The following FOXP1 variants were observed in gnomAD, a reference collection of about 807,000 sequenced individuals.
FOXP1 encodes the protein forkhead box protein P1.
Under a neutral mutation model 98.2 loss-of-function variants are expected in FOXP1, and 15 were observed. The ratio of observed to expected loss-of-function variants is 0.15; its 90% CI spans 0.10 to 0.24. FOXP1 has a LOEUF of 0.24. Among genes scored for constraint, FOXP1 ranks in the 10% least tolerant of loss-of-function variants. FOXP1 has a pLI of 1.00. For synonymous variants in FOXP1, 371 were observed against 314.5 expected (o/e 1.18, Z -1.90); for missense variants, 633 against 848.5 (o/e 0.75, Z 3.15).
At chr3:71,173,073 C>T (rs771900019) in intron 6 of FOXP1, among the ~76,000 whole-genome samples, 34 of 152,142 alleles carry the variant, frequency 2.2e-4, no homozygotes, top group African/African-American at 7.5e-4. Flanking sequence ...TCAGATTTTT[C>T]GCAAGAGCCC....
intron 3 of FOXP1, among the ~76,000 whole-genome samples, chr3:71,481,852 G>A (rs1577752137): frequency 2.0e-5 from 3 of 151,726 alleles, no homozygotes; most frequent in South Asian, 4.2e-4. Context: ...AACCTTCTTC[G>A]CACACCTTTT....
At chr3:71,581,418 T>G in intron 2 of FOXP1, 131 bp downstream of exon 2, 2 of 985,378 alleles carry the variant, frequency 2.0e-6, no homozygotes, top group South Asian at 9.4e-5. Context: ...GATGGGCACA[T>G]TCCTCGCTCC....
Position 71,072,233 on chromosome 3 carries a change from C to T in FOXP1, c.283-18460G>A, listed in dbSNP as rs141825767. ...ACTCCAGAGGCTGAGGCAGGAGGAT[C>T]GCTTGAGCCCTGGAGGTTGAGGTTG... is the stretch of plus-strand genomic sequence containing the variant. On this transcript the variant is annotated intron_variant, in intron 7 of 20. Coordinates refer to ENST00000649528, the MANE Select transcript of FOXP1 (RefSeq NM_001349338.3). Among the ~76,000 whole-genome samples the T allele has an allele frequency of 3.9e-3, 588 of 152,252 alleles. 4 individuals carry two copies. The highest frequency in any genetic ancestry group is 0.013 in the African/African-American group (554 of 41,538).
intron 5 of FOXP1, among the ~76,000 whole-genome samples, chr3:71,232,231 CACA>C (rs577737772): frequency 1.3e-3 from 194 of 152,274 alleles, no homozygotes; most frequent in Non-Finnish European, 2.0e-3. Context: ...TGTAGTAAAT[CACA>C]ACAATTAGAG....
chr3:71,308,311 A>T (rs1284947824), intron 4 of FOXP1, among the ~76,000 whole-genome samples: 2 of 152,324 alleles, frequency 1.3e-5, no homozygotes, highest in African/African-American at 4.8e-5. Context: ...TATGCACTTC[A>T]TCTCGGCGGA....
At chr3:71,501,966 C>G (rs1443986693) in intron 2 of FOXP1, among the ~76,000 whole-genome samples, 1 of 152,282 alleles carries the variant, frequency 6.6e-6, no homozygotes, top group Non-Finnish European at 1.5e-5. Flanking sequence ...CAGGTTATAT[C>G]CTGGATGGTG....
chr3:71,100,427 T>A (rs2056850972), intron 7 of FOXP1, among the ~76,000 whole-genome samples: 1 of 152,232 alleles, frequency 6.6e-6, no homozygotes, highest in African/African-American at 2.4e-5. Flanking sequence ...GGCTCTCCCA[T>A]GTGCAGACAA....
intron 6 of FOXP1, among the ~76,000 whole-genome samples, chr3:71,140,882 G>A (rs1281452755): frequency 6.6e-6 from 1 of 152,040 alleles, no homozygotes; most frequent in Admixed American, 6.6e-5. Flanking sequence ...AGGAGGCCAA[G>A]GTGGGAGGAT....
intron 3 of FOXP1, among the ~76,000 whole-genome samples, chr3:71,470,395 T>C (rs1352177317): frequency 1.3e-5 from 2 of 152,234 alleles, no homozygotes; most frequent in African/African-American, 4.8e-5. Context: ...TATTCATAAG[T>C]AATTCTTCTT....
chr3:71,324,186 T>G (rs1265236799), intron 4 of FOXP1, among the ~76,000 whole-genome samples: 1 of 152,154 alleles, frequency 6.6e-6, no homozygotes, highest in Non-Finnish European at 1.5e-5. Context: ...TGTCTTAAAT[T>G]TAGCCATTAA....
At chr3:71,500,103 C>A (rs1024029621) in intron 2 of FOXP1, among the ~76,000 whole-genome samples, 5 of 152,314 alleles carry the variant, frequency 3.3e-5, no homozygotes, top group Middle Eastern at 3.4e-3. Flanking sequence ...CAGTGAAGTT[C>A]CCTAAAACTA....
intron 5 of FOXP1, among the ~76,000 whole-genome samples, chr3:71,289,121 G>A (rs1030047074): frequency 1.3e-5 from 2 of 151,954 alleles, no homozygotes; most frequent in African/African-American, 2.4e-5. Flanking sequence ...TGCAACCTCC[G>A]TCTCCCGGGT....
chr3:71,165,503 G>A (rs1451522885), intron 6 of FOXP1, among the ~76,000 whole-genome samples: 2 of 152,086 alleles, frequency 1.3e-5, no homozygotes, highest in South Asian at 2.1e-4. Flanking sequence ...AGCTGGTTTC[G>A]CTATATAAAA....
At chr3:71,278,225 T>C (rs994450724) in intron 5 of FOXP1, among the ~76,000 whole-genome samples, 6 of 152,210 alleles carry the variant, frequency 3.9e-5, no homozygotes, top group African/African-American at 1.4e-4. Context: ...GTTCAATAAT[T>C]AGCTACTGTC....
chr3:70,961,499 G>A (rs908081627), intron 20 of FOXP1, among the ~76,000 whole-genome samples: 1 of 152,086 alleles, frequency 6.6e-6, no homozygotes, highest in African/African-American at 2.4e-5. Context: ...CCAAACTGCT[G>A]GGATTACAGG....
At chr3:71,095,802 T>C (rs921463580) in intron 7 of FOXP1, among the ~76,000 whole-genome samples, 3 of 152,192 alleles carry the variant, frequency 2.0e-5, no homozygotes, top group African/African-American at 7.2e-5. Flanking sequence ...GCTAGGAATA[T>C]TGTAAAAATG....
intron 3 of FOXP1, among the ~76,000 whole-genome samples, chr3:71,456,291 G>C (rs1005517794): frequency 6.6e-6 from 1 of 152,086 alleles, no homozygotes; most frequent in Non-Finnish European, 1.5e-5. Flanking sequence ...AGGCAAAACA[G>C]GAAATTTGAG....
intron 4 of FOXP1, among the ~76,000 whole-genome samples, chr3:71,317,710 A>G (rs1343031764): frequency 1.3e-5 from 2 of 151,782 alleles, no homozygotes; most frequent in African/African-American, 4.9e-5. Context: ...CTCAAATAAG[A>G]AACTATTTTG....
At chr3:71,091,671 C>G (rs1218238602) in intron 7 of FOXP1, among the ~76,000 whole-genome samples, 1 of 152,048 alleles carries the variant, frequency 6.6e-6, no homozygotes, top group Non-Finnish European at 1.5e-5. Flanking sequence ...TAAGGGTAAC[C>G]CCAAGCTTTT....
Sources: allele counts gnomAD v4.1 joint callset (sites outside exome capture counted in the v4.1 genomes callset), GRCh38; gene constraint gnomAD v4.1.1; transcripts MANE v1.5; gene names NCBI Gene and HGNC (gene_info 2026-07-23, HGNC 2026-07-21).